Variants in THSD7B observed in about 807,000 individuals in gnomAD.
THSD7B encodes thrombospondin type 1 domain containing 7B, also known as thrombospondin type-1 domain-containing protein 7B.
A neutral mutation model predicts 213.6 loss-of-function variants in THSD7B; 138 were observed. The observed-to-expected ratio is 0.65, with a 90% CI of 0.56 to 0.74. The LOEUF (loss-of-function observed/expected upper bound fraction) is 0.74. Ranked by LOEUF, THSD7B falls within the 30% of genes least tolerant of loss-of-function variation. THSD7B has a pLI of 0.00. For synonymous variants in THSD7B, 742 were observed against 687.0 expected (o/e 1.08, Z -1.25); for missense variants, 1,931 against 1,991.5 (o/e 0.97, Z 0.58).
chr2:137,393,880 G>C lies in THSD7B; in HGVS notation c.2501-11733G>C, dbSNP rs1346188850. On this transcript the variant is annotated intron_variant, in intron 12 of 27. Coordinates refer to ENST00000409968, the MANE Select transcript of THSD7B (RefSeq NM_001316349.2). ...AACTGGTGTGAGATGGTATCTCATT[G>C]TGGTTTTGATTTGCATTTCTCTGAT... 1.4e-5 allele frequency among the ~76,000 whole-genome samples: 2 copies of C among 140,950 alleles called. 1 individual carries two copies. Among genetic ancestry groups the C allele is most frequent in the African/African-American group, 5.2e-5 (2 of 38,256 alleles). 92.5% of individuals were successfully genotyped at this position (140,950 alleles called of 152,430 possible). A position where few individuals can be genotyped will look rare whatever the true frequency, so the allele number is the denominator to read the frequency against.
intron 5 of THSD7B, among the ~76,000 whole-genome samples, chr2:137,133,795 AAAAT>A (rs1688783755): frequency 6.6e-6 from 1 of 152,246 alleles, no homozygotes. Context: ...AATCAGCATA[AAAAT>A]AAATAATGAG....
intron 2 of THSD7B, among the ~76,000 whole-genome samples, chr2:137,021,118 C>T (rs145374813): frequency 1.3e-5 from 2 of 152,168 alleles, no homozygotes; most frequent in African/African-American, 4.8e-5. Context: ...AGTGTGCTTT[C>T]TGGGAGTAGT....
intron 9 of THSD7B, among the ~76,000 whole-genome samples, chr2:137,236,677 A>G (rs1681770096): frequency 6.6e-6 from 1 of 152,202 alleles, no homozygotes; most frequent in Admixed American, 6.5e-5. Flanking sequence ...TTAACATTTA[A>G]AAGCTTGGCA....
intron 12 of THSD7B, among the ~76,000 whole-genome samples, chr2:137,318,031 G>A (rs771941003): frequency 6.6e-6 from 1 of 152,112 alleles, no homozygotes; most frequent in Non-Finnish European, 1.5e-5. Context: ...ATCTGTTACA[G>A]TTACATCTGT....
rs1679629356 is a variant in THSD7B at position 137,143,307 on chromosome 2, T to A, written c.1370-16906T>A. On this transcript the variant is annotated intron_variant, in intron 5 of 27. Transcript: ENST00000409968. ...GTGTGTGTAAATCTAATTCCTCCAG[T>A]CAAATGATAAGCCCATCAAAACGTG... Among the ~76,000 whole-genome samples the A allele has an allele frequency of 2.0e-5, 3 of 152,252 alleles. No individual in the cohort carries two copies. The South Asian group carries it at 6.2e-4, about 32-fold the overall frequency.
chr2:137,639,801 T>C (rs956597034), intron 20 of THSD7B, among the ~76,000 whole-genome samples: 15 of 152,220 alleles, frequency 9.9e-5, no homozygotes, highest in African/African-American at 3.6e-4. Context: ...CTGGGCCGCA[T>C]AACCCCTTTA....
chr2:137,204,510 A>G (rs1680942353), intron 7 of THSD7B, among the ~76,000 whole-genome samples: 1 of 152,156 alleles, frequency 6.6e-6, no homozygotes, highest in Non-Finnish European at 1.5e-5. Context: ...CTGAGATTAC[A>G]GGTGAAGACT....
At chr2:137,179,374 G>A (rs1173390749) in intron 7 of THSD7B, among the ~76,000 whole-genome samples, 1 of 151,974 alleles carries the variant, frequency 6.6e-6, no homozygotes, top group Non-Finnish European at 1.5e-5. Context: ...TATGACCATT[G>A]GCTCATTACT....
chr2:137,344,408 C>A (rs1488940574), intron 12 of THSD7B, among the ~76,000 whole-genome samples: 1 of 151,694 alleles, frequency 6.6e-6, no homozygotes, highest in East Asian at 1.9e-4. Flanking sequence ...ACTGTACAGG[C>A]CTTTCCACAT....
chr2:137,058,349 T>TTG (rs1261323820), intron 3 of THSD7B, among the ~76,000 whole-genome samples: 1 of 152,186 alleles, frequency 6.6e-6, no homozygotes, highest in Non-Finnish European at 1.5e-5. Context: ...GTGTGTGGGG[T>TTG]TGTGTAAATA....
intron 17 of THSD7B, among the ~76,000 whole-genome samples, chr2:137,603,117 T>C (rs1367778142): frequency 6.6e-6 from 1 of 152,218 alleles, no homozygotes; most frequent in Non-Finnish European, 1.5e-5. Context: ...TGCTGTCTCA[T>C]AGCACAGTCC....
At chr2:137,450,801 T>C in intron 14 of THSD7B, 44 bp from the exon 15 acceptor site, 3 of 1,420,602 alleles carry the variant, frequency 2.1e-6, no homozygotes, top group Non-Finnish European at 2.9e-6. Context: ...ATTTGATCAG[T>C]ACATTTTAAT....
At chr2:137,535,418 T>A (rs181232159) in intron 15 of THSD7B, among the ~76,000 whole-genome samples, 11 of 151,914 alleles carry the variant, frequency 7.2e-5, no homozygotes, top group Non-Finnish European at 1.5e-4. Context: ...GAAATGGAAT[T>A]CGAACACCTA....
At chr2:137,627,126 G>A (rs1334464724) in intron 20 of THSD7B, among the ~76,000 whole-genome samples, 1 of 152,172 alleles carries the variant, frequency 6.6e-6, no homozygotes, top group African/African-American at 2.4e-5. Context: ...AAGAGAACAA[G>A]AGCAAGAAGC....
chr2:136,889,817 T>C (rs926344905), intron 2 of THSD7B, among the ~76,000 whole-genome samples: 37 of 152,194 alleles, frequency 2.4e-4, no homozygotes, highest in African/African-American at 8.9e-4. Flanking sequence ...GGAACATCCT[T>C]TTGCTCTCGA....
chr2:137,132,342 T>C (rs963704954), intron 5 of THSD7B, among the ~76,000 whole-genome samples: 1 of 142,416 alleles, frequency 7.0e-6, no homozygotes, highest in African/African-American at 2.5e-5. Context: ...ACAATTTGAC[T>C]TCCTCTTTTC....
chr2:137,584,129 G>C (rs1681654404), intron 17 of THSD7B, among the ~76,000 whole-genome samples: 1 of 152,030 alleles, frequency 6.6e-6, no homozygotes, highest in South Asian at 2.1e-4. Flanking sequence ...TCATGATTTG[G>C]CTCACTGTTC....
intron 2 of THSD7B, among the ~76,000 whole-genome samples, chr2:136,914,449 G>C (rs1684318773): frequency 6.6e-6 from 1 of 152,184 alleles, no homozygotes; most frequent in African/African-American, 2.4e-5. Flanking sequence ...TGAGATTTGG[G>C]AGGGACCAGG....
At chr2:137,316,557 C>T (rs570324073) in intron 12 of THSD7B, among the ~76,000 whole-genome samples, 15 of 152,016 alleles carry the variant, frequency 9.9e-5, no homozygotes, top group East Asian at 7.7e-4. Context: ...GGGAGGATCA[C>T]GAGGTCAAGA....
Sources: allele counts gnomAD v4.1 joint callset (sites outside exome capture counted in the v4.1 genomes callset), GRCh38; gene constraint gnomAD v4.1.1; transcripts MANE v1.5; gene names NCBI Gene and HGNC (gene_info 2026-07-23, HGNC 2026-07-21).